PER2: variants seen among roughly 807,000 people sequenced by gnomAD.
PER2 encodes the protein period circadian regulator 2.
A neutral mutation model predicts 121.0 loss-of-function variants in PER2; 66 were observed. That is an observed-to-expected ratio of 0.55 (90% confidence interval 0.45 to 0.67). PER2 has a LOEUF of 0.67. Ranked by LOEUF, PER2 falls within the 30% of genes least tolerant of loss-of-function variation. The pLI, the probability that PER2 is intolerant of heterozygous loss-of-function variation, is 0.00. For missense variants in PER2, 1,521 were observed against 1,635.0 expected (o/e 0.93, Z 1.20); for synonymous variants, 684 against 659.9 (o/e 1.04, Z -0.56).
In PER2 at chr2:238,273,094, G is replaced by A. The variant is rs1574855509; in HGVS notation, c.546C>T (p.Thr182=). ...SYTVEEMESV[T]SEHIVKNADM... is the part of the protein sequence containing the mutation. ...CGGCATTCTTCACAATGTGCTCAGA[G>A]GTAACGCTCTCCATCTCCTCCACGG... Residue 182 remains threonine, a synonymous_variant, in exon 5 of 23, where the codon ACC becomes ACT. Coordinates refer to ENST00000254657, the MANE Select transcript of PER2 (RefSeq NM_022817.3). 4 of 1,614,080 alleles carry A rather than the reference G, an allele frequency of 2.5e-6. No homozygotes were observed. In the South Asian group the frequency reaches 3.3e-5, roughly 13 times the overall value.
At chr2:238,247,919 C>CT (rs1695491266) in intron 22 of PER2, among the ~76,000 whole-genome samples, 1 of 152,216 alleles carries the variant, frequency 6.6e-6, no homozygotes, top group African/African-American at 2.4e-5. Context: ...CGAGGCCACT[C>CT]TGACATCCAG....
intron 17 of PER2, 55 bp from the exon 18 acceptor site, chr2:238,255,966 AG>A: frequency 1.3e-6 from 2 of 1,596,562 alleles, no homozygotes; most frequent in Non-Finnish European, 1.7e-6. Context: ...TATTATTTTA[AG>A]GCCACACTAT....
chr2:238,269,524 C>A (rs1347079190), intron 6 of PER2, among the ~76,000 whole-genome samples: 1 of 139,992 alleles, frequency 7.1e-6, no homozygotes, highest in Non-Finnish European at 1.5e-5. Flanking sequence ...ACTGAACACA[C>A]TCACGGTGCA....
intron 16 of PER2, 145 bp from the exon 17 acceptor site, chr2:238,257,231 A>C: frequency 3.0e-6 from 2 of 657,542 alleles, no homozygotes; most frequent in Non-Finnish European, 5.2e-6. Context: ...GCTCTGGCCC[A>C]GGCATGGGGT....
Position 238,253,658 on chromosome 2 carries a change from T to A in PER2, c.2365A>T (p.Lys789Ter). ...RNTSGIDSPW[K>*]KTGKNRKLKS... ...AATTTTCTGTTCTTTCCTGTTTTTT[T>A]CCAAGGTGAATCTATTCCGGAAGTA... Residue 789 changes from lysine (K) to a stop codon, truncating the protein, a stop_gained, in exon 19 of 23, where the codon AAA becomes TAA. Coordinates refer to ENST00000254657, the MANE Select transcript of PER2 (RefSeq NM_022817.3). LOFTEE classifies it high-confidence loss of function. This position sits in a 1 kb window ranked among gnomAD's most constrained non-coding sequence, Gnocchi z 5.6. The A allele has an allele frequency of 3.1e-6, 5 of 1,609,378 alleles. No homozygotes were observed. Among genetic ancestry groups the A allele is most frequent in the Non-Finnish European group, 4.2e-6 (5 of 1,177,616 alleles).
At chr2:238,251,139 G>A (rs1045455535) in intron 20 of PER2, among the ~76,000 whole-genome samples, 6 of 152,250 alleles carry the variant, frequency 3.9e-5, no homozygotes, top group Non-Finnish European at 5.9e-5. Context: ...CCTGCGAAGG[G>A]AGGCGAGGTG....
intron 9 of PER2, among the ~76,000 whole-genome samples, chr2:238,264,222 T>G (rs7570188): frequency 0.077 from 11,731 of 152,242 alleles, 568 homozygotes; most frequent in South Asian, 0.19. Flanking sequence ...TTCTCAGATC[T>G]CTGAAGGAAG....
intron 9 of PER2, among the ~76,000 whole-genome samples, chr2:238,263,611 G>C (rs931601627): frequency 6.6e-6 from 1 of 152,218 alleles, no homozygotes; most frequent in Non-Finnish European, 1.5e-5. Context: ...ATTGCAGGAC[G>C]GAGCTGAACT....
chr2:238,251,623 A>G lies in PER2; in HGVS notation c.3250T>C (p.Cys1084Arg), dbSNP rs138750527. 4.9e-4 allele frequency: 787 copies of G among 1,614,180 alleles called. 4 individuals carry two copies. In the African/African-American group the frequency reaches 8.9e-3, roughly 18 times the overall value. ...CCTGCCCCACTCGGGGAGGCGTCGC[A>G]GCCCAGTGAGCCGGAGCCCAGAGAC... ...SESLGSGSLGCDASPSGAGSS... is the reference protein window; with the variant it reads ...SESLGSGSLGRDASPSGAGSS... Residue 1084 changes from cysteine (C) to arginine (R), a missense_variant, in exon 20 of 23, where the codon TGC becomes CGC. Coordinates refer to ENST00000254657, the MANE Select transcript of PER2 (RefSeq NM_022817.3).
chr2:238,300,015 G>A, the PER2 span: 1 of 152,244 alleles, frequency 6.6e-6, no homozygotes, highest in Non-Finnish European at 1.5e-5. Context: ...TCTTCGCAGT[G>A]TGGTGGCGAA....
At chr2:238,281,014 T>G (rs1159491122) in intron 1 of PER2, among the ~76,000 whole-genome samples, 1 of 151,936 alleles carries the variant, frequency 6.6e-6, no homozygotes, top group Non-Finnish European at 1.5e-5. Context: ...CACTTTTTTT[T>G]TTTTTTTTGA....
intron 8 of PER2, among the ~76,000 whole-genome samples, chr2:238,266,192 T>G (rs62194938): frequency 1.3e-5 from 2 of 152,156 alleles, no homozygotes; most frequent in East Asian, 1.9e-4. Context: ...CGTGAGCCAC[T>G]GCGCCCGGCC....
rs1398868291 is a variant in PER2 at position 238,288,362 on chromosome 2, G to C, written c.-33C>G. The C allele has an allele frequency of 1.3e-5, 2 of 152,224 alleles. No individual in the cohort carries two copies. The highest frequency in any genetic ancestry group is 2.9e-5 in the Non-Finnish European group (2 of 68,058). The allele number at this position is 152,224 out of a possible 1,614,324, so 9.4% of individuals were successfully genotyped here. On this transcript the variant is annotated 5_prime_UTR_variant, in exon 1 of 23. Transcript: ENST00000254657. ...ACGCTGCCTCACCTTTCGGACCTCA[G>C]GCTCCTGAGCTGCGAAGCGGGGGTT...
Position 238,253,431 on chromosome 2 carries a change from A to T in PER2, c.2592T>A (p.Thr864=). Residue 864 remains threonine, a synonymous_variant, in exon 19 of 23, where the codon ACT becomes ACA. Coordinates refer to ENST00000254657, the MANE Select transcript of PER2 (RefSeq NM_022817.3). The surrounding 1 kb of genome is among the most constrained non-coding windows in gnomAD (Gnocchi z 5.6). ...YSLPVFPAPG[T]VAAPPAPPHA... Reference sequence around the variant, plus strand: ...GGGGAGGTGCCGGGGGTGCTGCCACAGTCCCTGGCGCTGGAAACACGGGCA... The same window carrying T: ...GGGGAGGTGCCGGGGGTGCTGCCACTGTCCCTGGCGCTGGAAACACGGGCA... 6.2e-7 allele frequency: 1 copy of T among 1,611,416 alleles called. No individual in the cohort carries two copies. The highest frequency in any genetic ancestry group is 8.5e-7 in the Non-Finnish European group (1 of 1,178,160).
At chr2:238,255,354 C>G (rs1695727820) in intron 18 of PER2, 1 of 486,002 alleles carries the variant, frequency 2.1e-6, no homozygotes, top group African/African-American at 1.9e-5. Context: ...GGTGGGGCCC[C>G]TGCCCACATG....
rs967749828 is a variant in PER2, at chr2:238,252,687, TC to T, written c.3111+224del. 2.6e-4 allele frequency among the ~76,000 whole-genome samples: 39 copies of T among 152,340 alleles called. No homozygotes were observed. Among genetic ancestry groups the T allele is most frequent in the Admixed American group, 4.6e-4 (7 of 15,308 alleles). ...CTGGAGTCTGTATCACAATCTCTCC[TC>T]CTTCATTCAGATTCCACGACAATAA... On this transcript the variant is annotated intron_variant, in intron 19 of 22. Transcript: ENST00000254657. The surrounding 1 kb of genome is among the most constrained non-coding windows in gnomAD (Gnocchi z 4.2).
chr2:238,258,036 CA>C (rs1695815281), intron 16 of PER2, among the ~76,000 whole-genome samples: 1 of 152,220 alleles, frequency 6.6e-6, no homozygotes. Context: ...TGAGGGGGGT[CA>C]GGGGACGGCC....
chr2:238,255,232 C>A, intron 18 of PER2: 1 of 303,440 alleles, frequency 3.3e-6, no homozygotes, highest in South Asian at 3.1e-5. Context: ...GAGGGTGCAT[C>A]TCCTGGGGAG....
At chr2:238,247,975 A>G (rs138914505) in intron 22 of PER2, among the ~76,000 whole-genome samples, 2 of 152,274 alleles carry the variant, frequency 1.3e-5, no homozygotes, top group African/African-American at 4.8e-5. Flanking sequence ...CTGTGTGGTG[A>G]TGGGCTTCAT....
Sources: gnomAD v4.1 joint callset for allele counts (sites outside exome capture counted in the v4.1 genomes callset) on GRCh38, gnomAD v4.1.1 for gene constraint, Gnocchi (gnomAD v3.1) non-coding constraint, MANE v1.5 for transcripts, NCBI Gene and HGNC (gene_info 2026-07-23, HGNC 2026-07-21) for gene names.